Variants in NELL1 observed in about 807,000 individuals in gnomAD.
The protein encoded by NELL1 is protein kinase C-binding protein NELL1.
NELL1 carries 76 observed loss-of-function variants against 107.4 expected under a neutral mutation model. The observed-to-expected ratio is 0.71, with a 90% CI of 0.59 to 0.86. NELL1 has a LOEUF of 0.86. Ranked by LOEUF, NELL1 falls within the 40% of genes least tolerant of loss-of-function variation. The pLI is 0.00. For synonymous variants in NELL1, 353 were observed against 341.2 expected (o/e 1.03, Z -0.38); for missense variants, 1,024 against 1,005.5 (o/e 1.02, Z -0.25).
intron 14 of NELL1, among the ~76,000 whole-genome samples, chr11:21,312,955 A>C (rs1455522763): frequency 6.6e-6 from 1 of 152,064 alleles, no homozygotes; most frequent in Non-Finnish European, 1.5e-5. Flanking sequence ...TCCCACCTGT[A>C]ATCCCAGCTA....
chr11:20,699,614 T>G (rs1854719111), intron 2 of NELL1, among the ~76,000 whole-genome samples: 1 of 152,168 alleles, frequency 6.6e-6, no homozygotes, highest in African/African-American at 2.4e-5. Flanking sequence ...CACCTTGGCC[T>G]CCCAAAGTGC....
At chr11:21,076,005 A>C (rs558614025) in intron 12 of NELL1, among the ~76,000 whole-genome samples, 11 of 152,344 alleles carry the variant, frequency 7.2e-5, no homozygotes, top group African/African-American at 1.9e-4. Flanking sequence ...TTATAAACAC[A>C]TACAAACACA....
At chr11:21,006,226 GAAGGTATT>G (rs1250804606) in intron 12 of NELL1, among the ~76,000 whole-genome samples, 1 of 152,020 alleles carries the variant, frequency 6.6e-6, no homozygotes, top group Non-Finnish European at 1.5e-5. Flanking sequence ...GGAGGCTTTG[GAAGGTATT>G]AGAATTAGGA....
At chr11:20,894,688 G>A (rs1212619319) in intron 5 of NELL1, among the ~76,000 whole-genome samples, 1 of 152,160 alleles carries the variant, frequency 6.6e-6, no homozygotes, top group Non-Finnish European at 1.5e-5. Context: ...ATTGATTTAA[G>A]TACTAAGGAA....
chr11:20,925,450 T>A (rs1202861530), intron 7 of NELL1, among the ~76,000 whole-genome samples: 1 of 150,930 alleles, frequency 6.6e-6, no homozygotes, highest in South Asian at 2.1e-4. Flanking sequence ...TTTTTTTTTT[T>A]TTTTTTTGTA....
At chr11:20,746,596 ACACACACACACG>A (rs1856009420) in intron 2 of NELL1, among the ~76,000 whole-genome samples, 1 of 137,340 alleles carries the variant, frequency 7.3e-6, no homozygotes, top group Non-Finnish European at 1.6e-5. Context: ...ACACACACAC[ACACACACACACG>A]TGGAATTGAA....
At chr11:20,780,803 G>A (rs1442280732) in intron 2 of NELL1, among the ~76,000 whole-genome samples, 1 of 152,108 alleles carries the variant, frequency 6.6e-6, no homozygotes, top group African/African-American at 2.4e-5. Context: ...AGCACTGTGG[G>A]CAGAGGGACA....
At chr11:21,259,225 G>A (rs918499368) in intron 14 of NELL1, among the ~76,000 whole-genome samples, 7 of 151,822 alleles carry the variant, frequency 4.6e-5, no homozygotes, top group Non-Finnish European at 8.8e-5. Context: ...CCTTGAGGAT[G>A]TTATAATCTA....
intron 14 of NELL1, among the ~76,000 whole-genome samples, chr11:21,282,355 G>T (rs1670651): frequency 0.9 from 137,297 of 152,032 alleles, 62,133 homozygotes; most frequent in Non-Finnish European, 0.93. Context: ...AATTTTTGTG[G>T]TTTTAATAGA....
At chr11:20,891,564 T>G (rs764269008) in intron 5 of NELL1, among the ~76,000 whole-genome samples, 1 of 152,136 alleles carries the variant, frequency 6.6e-6, no homozygotes, top group Non-Finnish European at 1.5e-5. Context: ...AGACACAGAC[T>G]GGCAAATTGG....
intron 2 of NELL1, among the ~76,000 whole-genome samples, chr11:20,744,272 A>G (rs1424108242): frequency 6.6e-6 from 1 of 151,332 alleles, no homozygotes; most frequent in Non-Finnish European, 1.5e-5. Context: ...AGTGCAAACT[A>G]AAGACTTTTA....
chr11:21,467,466 C>T (rs1854060962), intron 15 of NELL1, among the ~76,000 whole-genome samples: 1 of 151,992 alleles, frequency 6.6e-6, no homozygotes, highest in Admixed American at 6.6e-5. Flanking sequence ...ATATTTATGT[C>T]TTTAAAAATA....
intron 14 of NELL1, among the ~76,000 whole-genome samples, chr11:21,336,688 C>CACACACACAT (rs1229656676): frequency 2.7e-5 from 4 of 150,054 alleles, no homozygotes; most frequent in African/African-American, 9.8e-5. Context: ...CACACACACA[C>CACACACACAT]ACATTAAACA....
intron 12 of NELL1, among the ~76,000 whole-genome samples, chr11:20,995,895 G>C (rs961002816): frequency 2.0e-5 from 3 of 152,124 alleles, no homozygotes; most frequent in African/African-American, 7.2e-5. Flanking sequence ...TAGGTCACTG[G>C]GCACTGAACT....
chr11:21,417,160 G>A (rs1337900421), intron 15 of NELL1, among the ~76,000 whole-genome samples: 9 of 151,988 alleles, frequency 5.9e-5, no homozygotes. Context: ...TGTTATCCGA[G>A]TGTTTGCTGC....
chr11:21,085,091 A>G (rs1168436489), intron 12 of NELL1, among the ~76,000 whole-genome samples: 1 of 152,166 alleles, frequency 6.6e-6, no homozygotes, highest in Non-Finnish European at 1.5e-5. Flanking sequence ...AATTAAATAA[A>G]TGTTAACTAT....
chr11:21,286,125 C>G (rs1266743576), intron 14 of NELL1, among the ~76,000 whole-genome samples: 2 of 152,176 alleles, frequency 1.3e-5, no homozygotes, highest in African/African-American at 2.4e-5. Context: ...AAGTTTCTTA[C>G]AGTTTCCACC....
chr11:20,806,974 C>G (rs1857397920), intron 3 of NELL1, among the ~76,000 whole-genome samples: 2 of 151,902 alleles, frequency 1.3e-5, no homozygotes, highest in Admixed American at 6.6e-5. Flanking sequence ...TTTGACTTTC[C>G]TTAAAACAAC....
intron 12 of NELL1, among the ~76,000 whole-genome samples, chr11:21,030,622 A>ATTTTT (rs201033870): frequency 4.2e-5 from 5 of 120,122 alleles, no homozygotes; most frequent in Admixed American, 8.4e-5. Context: ...ATTTTCTTGT[A>ATTTTT]TTTTTTTTTT....
Sources: gnomAD v4.1 joint callset for allele counts (sites outside exome capture counted in the v4.1 genomes callset) on GRCh38, gnomAD v4.1.1 for gene constraint, MANE v1.5 for transcripts, NCBI Gene and HGNC (gene_info 2026-07-23, HGNC 2026-07-21) for gene names.